Variants in CHSY3 observed in about 807,000 individuals in gnomAD.
CHSY3 encodes N-acetylgalactosaminyl-proteoglycan 3-beta-glucuronosyltransferase 3.
In CHSY3, 35 loss-of-function variants were observed where a neutral mutation model predicts 67.2. The observed-to-expected ratio is 0.52, with a 90% CI of 0.40 to 0.69. The LOEUF (loss-of-function observed/expected upper bound fraction) is 0.69, where lower values mean the gene tolerates loss of function less well. Ranked by LOEUF, CHSY3 falls within the 30% of genes least tolerant of loss-of-function variation. CHSY3 has a pLI of 0.00. For missense variants in CHSY3, 1,069 were observed against 1,138.5 expected (o/e 0.94, Z 0.88); for synonymous variants, 474 against 434.7 (o/e 1.09, Z -1.12).
At chr5:129,999,222 TC>T (rs1258643027) in intron 2 of CHSY3, among the ~76,000 whole-genome samples, 10 of 151,950 alleles carry the variant, frequency 6.6e-5, no homozygotes, top group Admixed American at 2.0e-4. Flanking sequence ...GGTATCTTTA[TC>T]CTATACATAA....
At chr5:130,118,526 T>C (rs1245697785) in intron 2 of CHSY3, among the ~76,000 whole-genome samples, 2 of 151,616 alleles carry the variant, frequency 1.3e-5, no homozygotes, top group African/African-American at 4.9e-5. Context: ...TACAGACACA[T>C]ATGTGTGTGT....
At chr5:130,005,296 T>A (rs1378482829) in intron 2 of CHSY3, among the ~76,000 whole-genome samples, 1 of 152,010 alleles carries the variant, frequency 6.6e-6, no homozygotes, top group Non-Finnish European at 1.5e-5. Context: ...GAGCCTGTAG[T>A]CCCAGCTACT....
intron 2 of CHSY3, among the ~76,000 whole-genome samples, chr5:129,936,587 G>A (rs1761500583): frequency 1.3e-5 from 2 of 152,270 alleles, no homozygotes; most frequent in East Asian, 1.9e-4. Flanking sequence ...AGCTTGCTGG[G>A]CAGCTGGGTC....
chr5:129,980,308 T>C (rs189721572), intron 2 of CHSY3, among the ~76,000 whole-genome samples: 15 of 152,352 alleles, frequency 9.8e-5, no homozygotes, highest in Admixed American at 6.5e-4. Context: ...ATTCTTGTTT[T>C]AATTTGTATT....
intron 2 of CHSY3, among the ~76,000 whole-genome samples, chr5:130,073,323 T>C (rs1158417170): frequency 6.6e-6 from 1 of 151,922 alleles, no homozygotes; most frequent in African/African-American, 2.4e-5. Flanking sequence ...AGTTTCACTC[T>C]GTCACTCAGG....
intron 2 of CHSY3, among the ~76,000 whole-genome samples, chr5:130,063,697 T>C (rs1765785338): frequency 6.6e-6 from 1 of 152,146 alleles, no homozygotes; most frequent in Admixed American, 6.6e-5. Context: ...CTCACAGTTC[T>C]GGAGGTTGAT....
intron 2 of CHSY3, among the ~76,000 whole-genome samples, chr5:129,920,737 A>G (rs74854118): frequency 0.024 from 3,695 of 152,232 alleles, 128 homozygotes; most frequent in African/African-American, 0.084. Flanking sequence ...AGCTAGCACT[A>G]ATTTCTTTCT....
chr5:129,960,755 G>A (rs555420748), intron 2 of CHSY3, among the ~76,000 whole-genome samples: 22 of 151,950 alleles, frequency 1.4e-4, no homozygotes, highest in African/African-American at 4.1e-4. Context: ...TGTTTAAAAA[G>A]TAAACTAGTT....
chr5:130,094,889 T>C (rs778749589), intron 2 of CHSY3, among the ~76,000 whole-genome samples: 4 of 152,096 alleles, frequency 2.6e-5, no homozygotes, highest in Non-Finnish European at 5.9e-5. Flanking sequence ...GTGAGGAATT[T>C]TGAAAGTAAT....
chr5:130,108,723 C>A (rs1298529565), intron 2 of CHSY3, among the ~76,000 whole-genome samples: 3 of 151,614 alleles, frequency 2.0e-5, no homozygotes. Flanking sequence ...TGACTGCATT[C>A]ACACTTAGGC....
intron 2 of CHSY3, among the ~76,000 whole-genome samples, chr5:129,985,466 A>T (rs961640379): frequency 1.3e-4 from 20 of 150,032 alleles, no homozygotes; most frequent in Non-Finnish European, 1.3e-4. Flanking sequence ...GTGATGCTTC[A>T]GGCTTTGTTC....
intron 2 of CHSY3, among the ~76,000 whole-genome samples, chr5:130,094,654 C>CA (rs111643451): frequency 0.012 from 1,845 of 152,018 alleles, 41 homozygotes; most frequent in African/African-American, 0.042. Context: ...AACTGTACAA[C>CA]AAAAAAGTGA....
chr5:129,940,923 T>C (rs1297167315), intron 2 of CHSY3, among the ~76,000 whole-genome samples: 1 of 152,114 alleles, frequency 6.6e-6, no homozygotes, highest in East Asian at 1.9e-4. Flanking sequence ...TAGACTATGC[T>C]AAGCTATGAT....
chr5:130,076,433 G>C (rs4836491), intron 2 of CHSY3, among the ~76,000 whole-genome samples: 1 of 150,642 alleles, frequency 6.6e-6, no homozygotes, highest in Non-Finnish European at 1.5e-5. Context: ...TAGTTTATAA[G>C]GCCATAAAGA....
rs565687343 is a variant in CHSY3, at chr5:130,147,276, A to G, written c.1087-36953A>G. 2.4e-4 allele frequency among the ~76,000 whole-genome samples: 37 copies of G among 152,342 alleles called. No individual in the cohort carries two copies. The South Asian group carries it at 7.5e-3, about 31-fold the overall frequency. On this transcript the variant is annotated intron_variant, in intron 2 of 2. Transcript: ENST00000305031. ...TATCATTCTTCATGGATACAGATGT[A>G]GAATTGTGAGCCAAACTCTTTAAAG...
chr5:130,182,740 G>T lies in CHSY3; in HGVS notation c.1087-1489G>T, dbSNP rs114198868. On this transcript the variant is annotated intron_variant, in intron 2 of 2. Coordinates refer to ENST00000305031, the MANE Select transcript of CHSY3 (RefSeq NM_175856.5). ...CTGATCTGGCACTAATTACTTAAAAGACCACCCTTTCTCCAAACTGTAAGC... is the reference window on the plus strand; with the variant it reads ...CTGATCTGGCACTAATTACTTAAAATACCACCCTTTCTCCAAACTGTAAGC... 9.8e-3 allele frequency among the ~76,000 whole-genome samples: 1,486 copies of T among 151,882 alleles called. 27 individuals are homozygous for T. Among genetic ancestry groups the T allele is most frequent in the African/African-American group, 0.035 (1,439 of 41,462 alleles).
intron 2 of CHSY3, among the ~76,000 whole-genome samples, chr5:129,971,275 A>G (rs1268632630): frequency 1.3e-5 from 2 of 151,804 alleles, no homozygotes; most frequent in African/African-American, 4.8e-5. Flanking sequence ...TATTCAATTA[A>G]TTAGTCAAAA....
At chr5:130,138,868 A>G (rs1301108541) in intron 2 of CHSY3, among the ~76,000 whole-genome samples, 1 of 152,172 alleles carries the variant, frequency 6.6e-6, no homozygotes, top group Non-Finnish European at 1.5e-5. Flanking sequence ...TAATATAGTC[A>G]TGTGTCCCTT....
chr5:130,006,083 G>A (rs1476243787), intron 2 of CHSY3, among the ~76,000 whole-genome samples: 1 of 152,146 alleles, frequency 6.6e-6, no homozygotes, highest in African/African-American at 2.4e-5. Context: ...AATTAAATAA[G>A]CATTGCAGAA....
Sources: allele counts gnomAD v4.1 joint callset (sites outside exome capture counted in the v4.1 genomes callset), GRCh38; gene constraint gnomAD v4.1.1; transcripts MANE v1.5; gene names NCBI Gene and HGNC (gene_info 2026-07-23, HGNC 2026-07-21).